SLC49A4: variants seen among roughly 807,000 people sequenced by gnomAD.
The protein encoded by SLC49A4 is solute carrier family 49 member 4.
Under a neutral mutation model 50.6 loss-of-function variants are expected in SLC49A4, and 36 were observed. The observed-to-expected ratio is 0.71, with a 90% CI of 0.55 to 0.94. The LOEUF (loss-of-function observed/expected upper bound fraction) is 0.94. Among genes scored for constraint, SLC49A4 ranks in the 40% least tolerant of loss-of-function variants. The pLI, the probability that SLC49A4 is intolerant of heterozygous loss-of-function variation, is 0.00. For missense variants in SLC49A4, 503 were observed against 605.7 expected (o/e 0.83, Z 1.78); for synonymous variants, 248 against 241.2 (o/e 1.03, Z -0.26).
chr3:122,843,338 T>TACCACCC (rs1170792114), intron 4 of SLC49A4, among the ~76,000 whole-genome samples: 2 of 152,204 alleles, frequency 1.3e-5, no homozygotes, highest in African/African-American at 4.8e-5. Flanking sequence ...TTTATCTTTG[T>TACCACCC]ACCACCCACT....
intron 2 of SLC49A4, among the ~76,000 whole-genome samples, chr3:122,814,978 A>G (rs959727624): frequency 2.0e-5 from 3 of 152,174 alleles, no homozygotes; most frequent in African/African-American, 7.2e-5. Flanking sequence ...TCCAGGACCT[A>G]GGCCCCTTCT....
chr3:122,832,671 G>A (rs1026674984), intron 3 of SLC49A4, among the ~76,000 whole-genome samples: 5 of 151,894 alleles, frequency 3.3e-5, no homozygotes, highest in Admixed American at 2.6e-4. Flanking sequence ...CTCTTTTATA[G>A]TAAGGTACTG....
chr3:122,844,235 T>C (rs1348005356), intron 4 of SLC49A4, among the ~76,000 whole-genome samples: 1 of 152,176 alleles, frequency 6.6e-6, no homozygotes, highest in African/African-American at 2.4e-5. Context: ...TATACCTGGC[T>C]AATTTTTATA....
intron 5 of SLC49A4, among the ~76,000 whole-genome samples, chr3:122,850,305 A>G (rs1415421292): frequency 6.6e-6 from 1 of 152,194 alleles, no homozygotes; most frequent in Admixed American, 6.5e-5. Context: ...TGGAAATACC[A>G]CTACTAAAAA....
chr3:122,807,277 G>A (rs191401739), intron 2 of SLC49A4, among the ~76,000 whole-genome samples: 29 of 152,028 alleles, frequency 1.9e-4, no homozygotes, highest in Non-Finnish European at 2.6e-4. Flanking sequence ...AAATTGCCTC[G>A]AGACTAGGAG....
intron 2 of SLC49A4, among the ~76,000 whole-genome samples, chr3:122,814,499 C>T (rs1936338413): frequency 6.6e-6 from 1 of 152,142 alleles, no homozygotes; most frequent in Admixed American, 6.5e-5. Context: ...ACATGGCTAA[C>T]AATTGTTGAT....
Position 122,795,118 on chromosome 3 carries a change from G to C in SLC49A4, c.-75G>C. The C allele has an allele frequency of 7.9e-7, 1 of 1,263,280 alleles. No homozygotes were observed. 78.3% of individuals were successfully genotyped at this position (1,263,280 alleles called of 1,614,324 possible). A position where few individuals can be genotyped will look rare whatever the true frequency, so the allele number is the denominator to read the frequency against. ...AGCAGCCTCCGCCTCCTGCTGCTCA[G>C]GACTATTCTGCGCTGGGCTAGTCGG... On this transcript the variant is annotated 5_prime_UTR_variant, in exon 1 of 9. Coordinates refer to ENST00000261038, the MANE Select transcript of SLC49A4 (RefSeq NM_032839.3).
intron 2 of SLC49A4, among the ~76,000 whole-genome samples, chr3:122,814,500 A>G (rs1457382001): frequency 1.3e-5 from 2 of 152,240 alleles, no homozygotes; most frequent in African/African-American, 4.8e-5. Flanking sequence ...CATGGCTAAC[A>G]ATTGTTGATT....
intron 1 of SLC49A4, among the ~76,000 whole-genome samples, chr3:122,804,154 A>G (rs752232978): frequency 6.6e-6 from 1 of 152,228 alleles, no homozygotes. Context: ...GGAAGCTTAC[A>G]ATCATAACAG....
In SLC49A4 at chr3:122,826,589, A is replaced by G. The variant is rs569061027; in HGVS notation, c.438-211A>G. Among the ~76,000 whole-genome samples the G allele has an allele frequency of 2.6e-5, 4 of 152,350 alleles. No homozygotes were observed. In the East Asian group the frequency reaches 7.7e-4, roughly 29 times the overall value. On this transcript the variant is annotated intron_variant, in intron 2 of 8. Transcript: ENST00000261038. ...CAGTAAATATTTGTGAAATGAATAA[A>G]TGGTAACTATTACTATGTTTGATCC...
At chr3:122,857,591 A>G (rs1448052760) in intron 6 of SLC49A4, among the ~76,000 whole-genome samples, 2 of 152,206 alleles carry the variant, frequency 1.3e-5, no homozygotes, top group African/African-American at 4.8e-5. Context: ...ATATTGAAAG[A>G]ATAAATTGAC....
At chr3:122,817,784 A>G (rs1936394839) in intron 2 of SLC49A4, among the ~76,000 whole-genome samples, 1 of 104,112 alleles carries the variant, frequency 9.6e-6, no homozygotes, top group South Asian at 3.2e-4. Flanking sequence ...TTGTAGAGAC[A>G]GGGTTTCACT....
intron 2 of SLC49A4, 30 bp from the exon 3 acceptor site, chr3:122,826,770 C>A: frequency 6.2e-7 from 1 of 1,606,710 alleles, no homozygotes; most frequent in South Asian, 1.1e-5. Flanking sequence ...GTTTCAAATA[C>A]CTCACAGCCT....
intron 3 of SLC49A4, among the ~76,000 whole-genome samples, chr3:122,830,077 C>T (rs755477090): frequency 1.3e-5 from 2 of 152,068 alleles, no homozygotes; most frequent in African/African-American, 4.8e-5. Flanking sequence ...ATTCAATTTG[C>T]AATAGCATCA....
intron 5 of SLC49A4, among the ~76,000 whole-genome samples, chr3:122,850,122 C>G (rs1230472583): frequency 6.6e-6 from 1 of 152,106 alleles, no homozygotes; most frequent in Non-Finnish European, 1.5e-5. Flanking sequence ...CTAAATAGAA[C>G]TAACATCAGA....
rs188207599 is a variant in SLC49A4 at position 122,822,168 on chromosome 3, T to C, written c.438-4632T>C. ...TGATGACAAACAATTAATATTAAAC[T>C]GTGTGGTTGACTTCACTGTACTGAA... On this transcript the variant is annotated intron_variant, in intron 2 of 8. Coordinates refer to ENST00000261038, the MANE Select transcript of SLC49A4 (RefSeq NM_032839.3). Among the ~76,000 whole-genome samples the C allele has an allele frequency of 3.3e-5, 5 of 152,336 alleles. No individual in the cohort carries two copies. The East Asian group carries it at 9.6e-4, about 29-fold the overall frequency.
chr3:122,858,716 T>G (rs1161201033), intron 6 of SLC49A4, among the ~76,000 whole-genome samples: 1 of 152,054 alleles, frequency 6.6e-6, no homozygotes, highest in Non-Finnish European at 1.5e-5. Context: ...AAATTAAAAG[T>G]GAAGAGAATA....
At position 122,806,879 on chromosome 3, in the gene SLC49A4, G is replaced by C. The variant is rs770000276; in HGVS notation, c.366G>C (p.Leu122=). ...DKRGLRITVL[L]TSFLMVLGTG... is the part of the protein sequence containing the mutation. ...TAGGTCTCCGGATAACTGTGCTCCT[G>C]ACATCCTTCCTTATGGTTTTGGGAA... is the stretch of plus-strand genomic sequence containing the variant. Residue 122 remains leucine, a synonymous_variant, in exon 2 of 9, where the codon CTG becomes CTC. Transcript: ENST00000261038. 1 of 1,609,290 alleles carries C rather than the reference G, an allele frequency of 6.2e-7. No homozygotes were observed.
At chr3:122,857,154 A>G (rs563173937) in intron 6 of SLC49A4, among the ~76,000 whole-genome samples, 2 of 152,014 alleles carry the variant, frequency 1.3e-5, no homozygotes, top group Admixed American at 1.3e-4. Flanking sequence ...GTATTTTCCT[A>G]TGGTTATCCC....
Sources: allele counts gnomAD v4.1 joint callset (sites outside exome capture counted in the v4.1 genomes callset), GRCh38; gene constraint gnomAD v4.1.1; transcripts MANE v1.5; gene names NCBI Gene and HGNC (gene_info 2026-07-23, HGNC 2026-07-21).